Variants in SLC9C1 observed in about 807,000 individuals in gnomAD.
SLC9C1 encodes solute carrier family 9 member C1, also known as sodium/hydrogen exchanger 10.
SLC9C1 carries 97 observed loss-of-function variants against 140.9 expected under a neutral mutation model. That is an observed-to-expected ratio of 0.69 (90% confidence interval 0.58 to 0.82). The LOEUF (loss-of-function observed/expected upper bound fraction) is 0.82, where lower values mean the gene tolerates loss of function less well. Among genes scored for constraint, SLC9C1 ranks in the 40% least tolerant of loss-of-function variants. SLC9C1 has a pLI of 0.00. For synonymous variants in SLC9C1, 440 were observed against 442.6 expected (o/e 0.99, Z 0.07); for missense variants, 1,340 against 1,389.3 (o/e 0.96, Z 0.56).
intron 25 of SLC9C1, 125 bp downstream of exon 25, chr3:112,168,751 GT>G (rs1191721410): frequency 1.1e-6 from 1 of 877,594 alleles, no homozygotes; most frequent in Non-Finnish European, 1.7e-6. Context: ...TGTTTATGGA[GT>G]GGTGGGAAAA....
intron 13 of SLC9C1, among the ~76,000 whole-genome samples, chr3:112,225,598 A>C (rs559331563): frequency 2.0e-5 from 3 of 152,226 alleles, no homozygotes; most frequent in African/African-American, 7.2e-5. Flanking sequence ...ACTAATTAAA[A>C]TTTCCACTTA....
chr3:112,185,339 TAAAA>T (rs1230297210), intron 20 of SLC9C1: 36 of 542,816 alleles, frequency 6.6e-5, no homozygotes, highest in African/African-American at 6.5e-4. Flanking sequence ...AAAAGTCGTG[TAAAA>T]AAAAAATAAT....
At chr3:112,147,186 G>A (rs2074825770) in intron 28 of SLC9C1, among the ~76,000 whole-genome samples, 2 of 152,252 alleles carry the variant, frequency 1.3e-5, no homozygotes, top group South Asian at 2.1e-4. Context: ...GCTCATTGGT[G>A]TCATTATGTG....
intron 6 of SLC9C1, among the ~76,000 whole-genome samples, chr3:112,272,290 T>C (rs2080099405): frequency 6.6e-6 from 1 of 152,240 alleles, no homozygotes; most frequent in Admixed American, 6.5e-5. Flanking sequence ...AAGTAACATG[T>C]TTGCTGACTA....
intron 12 of SLC9C1, among the ~76,000 whole-genome samples, chr3:112,231,910 A>G (rs2078840211): frequency 6.6e-6 from 1 of 152,120 alleles, no homozygotes; most frequent in African/African-American, 2.4e-5. Context: ...GTGTTTCTAA[A>G]ACCCCATTTG....
At chr3:112,199,234 C>A in intron 20 of SLC9C1, 87 bp downstream of exon 20, 1 of 1,038,430 alleles carries the variant, frequency 9.6e-7, no homozygotes, top group Non-Finnish European at 1.3e-6. Flanking sequence ...TAGAAATGGC[C>A]TGTATTAGAA....
chr3:112,281,103 T>C (rs1272660485), intron 2 of SLC9C1, among the ~76,000 whole-genome samples: 1 of 152,242 alleles, frequency 6.6e-6, no homozygotes, highest in Non-Finnish European at 1.5e-5. Context: ...GAGATTAGTT[T>C]CTTTAGCAAT....
intron 20 of SLC9C1, chr3:112,185,708 C>T: frequency 6.5e-7 from 1 of 1,542,860 alleles, no homozygotes; most frequent in South Asian, 1.2e-5. Flanking sequence ...ACCACTTGAG[C>T]TCCTCGGACA....
chr3:112,254,631 C>T (rs2079552903), intron 10 of SLC9C1, among the ~76,000 whole-genome samples: 3 of 152,102 alleles, frequency 2.0e-5, no homozygotes, highest in African/African-American at 7.2e-5. Flanking sequence ...ACAGCCAACA[C>T]AAAAACACAC....
At chr3:112,188,280 C>T (rs990910959) in intron 20 of SLC9C1, among the ~76,000 whole-genome samples, 3 of 152,070 alleles carry the variant, frequency 2.0e-5, no homozygotes, top group African/African-American at 4.8e-5. Flanking sequence ...TACATGTGCA[C>T]AACGTGCAGG....
rs1194733276 is a variant in SLC9C1, at chr3:112,239,833, T to C, written c.1446+7A>G. ...TTAAAGCAATAAAAAAGATATTACT[T>C]GCTTACCATGTATGGGTTTTCAAGT... On this transcript the variant is annotated splice_region_variant and intron_variant, in intron 12 of 28. Transcript: ENST00000305815. 3 of 1,601,354 alleles carry C rather than the reference T, an allele frequency of 1.9e-6. No homozygotes were observed. In the South Asian group the frequency reaches 3.4e-5, roughly 18 times the overall value.
intron 15 of SLC9C1, among the ~76,000 whole-genome samples, chr3:112,215,296 C>T (rs983774856): frequency 6.6e-6 from 1 of 152,126 alleles, no homozygotes; most frequent in Non-Finnish European, 1.5e-5. Flanking sequence ...TGAAAACTGG[C>T]ACAAGACAGG....
Position 112,200,716 on chromosome 3 carries a change from T to C in SLC9C1, c.2369A>G (p.Glu790Gly). 1 of 1,609,348 alleles carries C rather than the reference T, an allele frequency of 6.2e-7. No homozygotes were observed. Among genetic ancestry groups the C allele is most frequent in the Non-Finnish European group, 8.5e-7 (1 of 1,177,974 alleles). Reference protein sequence around the residue: ...VIRNMEHAIKELGYLEYDHPE... With the variant: ...VIRNMEHAIKGLGYLEYDHPE... ...ATAGGATGAGAGCTACTTACCTAGCTCTTTTATAGCATGTTCCATATTCCT... is the reference window on the plus strand; with the variant it reads ...ATAGGATGAGAGCTACTTACCTAGCCCTTTTATAGCATGTTCCATATTCCT... The change falls in exon 19 of 29, where the codon GAG becomes GGG. Residue 790 changes from glutamate (E) to glycine (G), a missense_variant. Coordinates refer to ENST00000305815, the MANE Select transcript of SLC9C1 (RefSeq NM_183061.3).
At chr3:112,247,092 G>C (rs552756655) in intron 10 of SLC9C1, among the ~76,000 whole-genome samples, 50 of 152,238 alleles carry the variant, frequency 3.3e-4, no homozygotes, top group African/African-American at 1.1e-3. Context: ...ATTTTATACA[G>C]AGTTCATTCT....
chr3:112,154,102 C>G (rs1560007322), intron 27 of SLC9C1, among the ~76,000 whole-genome samples: 6 of 152,146 alleles, frequency 3.9e-5, no homozygotes, highest in African/African-American at 2.4e-5. Context: ...TGTCTGTTCT[C>G]AGGTTTATGT....
intron 10 of SLC9C1, among the ~76,000 whole-genome samples, chr3:112,259,761 C>T (rs939254334): frequency 6.6e-6 from 1 of 152,142 alleles, no homozygotes; most frequent in Non-Finnish European, 1.5e-5. Flanking sequence ...ACATGTATCC[C>T]TGAACCTAAA....
chr3:112,237,763 C>T (rs9859054), intron 12 of SLC9C1, among the ~76,000 whole-genome samples: 34,581 of 152,038 alleles, frequency 0.23, 4,517 homozygotes, highest in East Asian at 0.34. Flanking sequence ...ATTCTTTTCT[C>T]TGAGAATGTT....
intron 16 of SLC9C1, among the ~76,000 whole-genome samples, chr3:112,207,357 G>A (rs1385128844): frequency 1.3e-5 from 2 of 152,138 alleles, no homozygotes; most frequent in Non-Finnish European, 2.9e-5. Context: ...GATATAGTCA[G>A]CAGCTACCTA....
At position 112,165,494 on chromosome 3, in the gene SLC9C1, G is replaced by C. The variant is rs551626477; in HGVS notation, c.3364+1727C>G. On this transcript the variant is annotated intron_variant, in intron 26 of 28. Transcript: ENST00000305815. ...TGTTACTTTTCCTTCTAACAGTCAGGACCCTCAGCTGCAGGTCTGTTGGAG... is the reference window on the plus strand; with the variant it reads ...TGTTACTTTTCCTTCTAACAGTCAGCACCCTCAGCTGCAGGTCTGTTGGAG... Among the ~76,000 whole-genome samples, 41 of 152,312 alleles carry C rather than the reference G, an allele frequency of 2.7e-4. No individual in the cohort carries two copies. In the South Asian group the frequency reaches 8.5e-3, roughly 32 times the overall value.
Sources: allele counts gnomAD v4.1 joint callset (sites outside exome capture counted in the v4.1 genomes callset), GRCh38; gene constraint gnomAD v4.1.1; transcripts MANE v1.5; gene names NCBI Gene and HGNC (gene_info 2026-07-23, HGNC 2026-07-21).